The following TMEM132D variants were observed in gnomAD, a reference collection of about 807,000 sequenced individuals.
TMEM132D encodes transmembrane protein 132D.
Under a neutral mutation model 62.3 loss-of-function variants are expected in TMEM132D, and 21 were observed. The ratio of observed to expected loss-of-function variants is 0.34; its 90% confidence interval spans 0.24 to 0.49. The LOEUF (loss-of-function observed/expected upper bound fraction) is 0.49. Among genes scored for constraint, TMEM132D ranks in the 20% least tolerant of loss-of-function variants. The pLI, the probability that TMEM132D is intolerant of heterozygous loss-of-function variation, is 0.99. For missense variants in TMEM132D, 1,346 were observed against 1,402.8 expected (o/e 0.96, Z 0.65); for synonymous variants, 621 against 575.6 (o/e 1.08, Z -1.13).
At chr12:129,141,017 A>G (rs1268668162) in intron 5 of TMEM132D, among the ~76,000 whole-genome samples, 1 of 152,162 alleles carries the variant, frequency 6.6e-6, no homozygotes, top group Non-Finnish European at 1.5e-5. Flanking sequence ...ATAATATTAA[A>G]GGCCCTGCAT....
At chr12:129,895,837 G>A (rs1875094330) in intron 1 of TMEM132D, among the ~76,000 whole-genome samples, 1 of 151,366 alleles carries the variant, frequency 6.6e-6, no homozygotes, top group African/African-American at 2.4e-5. Context: ...AAAATTACTT[G>A]GTGAAGGAAG....
intron 3 of TMEM132D, among the ~76,000 whole-genome samples, chr12:129,484,587 G>A (rs1189132844): frequency 6.6e-6 from 1 of 152,044 alleles, no homozygotes; most frequent in Non-Finnish European, 1.5e-5. Flanking sequence ...ACTTCATTTT[G>A]TTACTTATCT....
Position 129,586,185 on chromosome 12 carries a change from C to T in TMEM132D, c.969-54980G>A, listed in dbSNP as rs571992364. ...GCCTCCTCTGCAGTTAGGTTGGGGACGTCCAGCTGAGTTTTGCCTCCTGAA... is the reference window on the plus strand; with the variant it reads ...GCCTCCTCTGCAGTTAGGTTGGGGATGTCCAGCTGAGTTTTGCCTCCTGAA... On this transcript the variant is annotated intron_variant, in intron 2 of 8. Transcript: ENST00000422113. Among the ~76,000 whole-genome samples, 5 of 152,114 alleles carry T rather than the reference C, an allele frequency of 3.3e-5. No individual in the cohort carries two copies. The East Asian group carries it at 5.8e-4, about 18-fold the overall frequency.
chr12:129,865,342 C>G (rs1181155306), intron 1 of TMEM132D, among the ~76,000 whole-genome samples: 2 of 152,106 alleles, frequency 1.3e-5, no homozygotes, highest in African/African-American at 2.4e-5. Flanking sequence ...GCATAGAGAG[C>G]AGAAGGGAGA....
chr12:129,600,470 T>C (rs181723097), intron 2 of TMEM132D, among the ~76,000 whole-genome samples: 6 of 152,324 alleles, frequency 3.9e-5, no homozygotes, highest in African/African-American at 1.4e-4. Context: ...ATTGCCAATG[T>C]TCTTCATGGC....
At chr12:129,519,392 G>A (rs1875781104) in intron 3 of TMEM132D, among the ~76,000 whole-genome samples, 1 of 152,114 alleles carries the variant, frequency 6.6e-6, no homozygotes, top group South Asian at 2.1e-4. Context: ...TATTACACAT[G>A]CTGCTAGGCT....
intron 4 of TMEM132D, among the ~76,000 whole-genome samples, 191 bp downstream of exon 4, chr12:129,337,441 GCA>G (rs34583805): frequency 0.27 from 40,070 of 147,930 alleles, 5,751 homozygotes; most frequent in Non-Finnish European, 0.33. Context: ...ATACACACAC[GCA>G]CACACACACA....
chr12:129,556,582 C>A (rs1029633453), intron 2 of TMEM132D, among the ~76,000 whole-genome samples: 1 of 152,066 alleles, frequency 6.6e-6, no homozygotes, highest in African/African-American at 2.4e-5. Context: ...CCTTTTAAAG[C>A]AGTGAATAGA....
intron 1 of TMEM132D, among the ~76,000 whole-genome samples, chr12:129,754,617 C>T (rs1453672887): frequency 6.6e-6 from 1 of 152,162 alleles, no homozygotes; most frequent in Non-Finnish European, 1.5e-5. Flanking sequence ...GAGGAGAAGA[C>T]ACCTTCCCTT....
intron 1 of TMEM132D, among the ~76,000 whole-genome samples, chr12:129,822,441 C>T (rs1428907379): frequency 6.6e-6 from 1 of 152,158 alleles, no homozygotes; most frequent in East Asian, 1.9e-4. Context: ...GGGTCCCTCC[C>T]CAGGGAGTCA....
intron 1 of TMEM132D, among the ~76,000 whole-genome samples, chr12:129,786,417 C>T (rs1871249251): frequency 6.6e-6 from 1 of 152,110 alleles, no homozygotes; most frequent in South Asian, 2.1e-4. Flanking sequence ...AAAATGGGGC[C>T]TGCTTTTGTC....
rs74702662 is a variant in TMEM132D at position 129,103,070 on chromosome 12, C to T, written c.1444-18368G>A. ...TTATTGTCTCTGAGCTCCAAATCCA[C>T]CCTTCCATGCTCTGTTTTGTGACCC... On this transcript the variant is annotated intron_variant, in intron 5 of 8. Coordinates refer to ENST00000422113, the MANE Select transcript of TMEM132D (RefSeq NM_133448.3). Among the ~76,000 whole-genome samples the T allele has an allele frequency of 9.6e-3, 1,468 of 152,296 alleles. 19 individuals carry two copies. Among genetic ancestry groups the T allele is most frequent in the African/African-American group, 0.034 (1,396 of 41,564 alleles).
At chr12:129,600,764 A>G (rs964061649) in intron 2 of TMEM132D, among the ~76,000 whole-genome samples, 1 of 152,208 alleles carries the variant, frequency 6.6e-6, no homozygotes, top group Non-Finnish European at 1.5e-5. Flanking sequence ...AGATCTCAAC[A>G]GTGGGCTTAA....
intron 1 of TMEM132D, among the ~76,000 whole-genome samples, chr12:129,747,521 C>T (rs1869840306): frequency 6.7e-6 from 1 of 149,546 alleles, no homozygotes; most frequent in South Asian, 2.1e-4. Flanking sequence ...CACACACTCT[C>T]ACACATTCAG....
At chr12:129,223,684 C>T (rs1317184456) in intron 4 of TMEM132D, among the ~76,000 whole-genome samples, 1 of 152,216 alleles carries the variant, frequency 6.6e-6, no homozygotes, top group African/African-American at 2.4e-5. Context: ...AATATTAGCC[C>T]TGCTAAAGCT....
At chr12:129,860,272 C>T (rs750038675) in intron 1 of TMEM132D, among the ~76,000 whole-genome samples, 3 of 152,186 alleles carry the variant, frequency 2.0e-5, no homozygotes, top group Non-Finnish European at 4.4e-5. Flanking sequence ...CTAGAACATT[C>T]GACAAGTCCA....
intron 4 of TMEM132D, among the ~76,000 whole-genome samples, chr12:129,332,885 G>T (rs1869154675): frequency 6.6e-6 from 1 of 152,108 alleles, no homozygotes; most frequent in African/African-American, 2.4e-5. Flanking sequence ...GGAGGAATTT[G>T]TGTTTAGTAG....
intron 3 of TMEM132D, among the ~76,000 whole-genome samples, chr12:129,523,191 A>G (rs61208805): frequency 0.53 from 81,259 of 151,974 alleles, 22,608 homozygotes; most frequent in Non-Finnish European, 0.6. Flanking sequence ...AGTAGCACAT[A>G]GTTTTCTACA....
intron 3 of TMEM132D, among the ~76,000 whole-genome samples, chr12:129,382,313 A>T (rs1016171046): frequency 2.0e-5 from 3 of 152,210 alleles, no homozygotes; most frequent in African/African-American, 4.8e-5. Context: ...CTTCCCGTCC[A>T]TTAAGTTGAC....
Sources: gnomAD v4.1 joint callset for allele counts (sites outside exome capture counted in the v4.1 genomes callset) on GRCh38, gnomAD v4.1.1 for gene constraint, MANE v1.5 for transcripts, NCBI Gene and HGNC (gene_info 2026-07-23, HGNC 2026-07-21) for gene names.